Variants in IQCK observed in about 807,000 individuals in gnomAD.
The protein encoded by IQCK is IQ domain-containing protein K.
A neutral mutation model predicts 28.1 loss-of-function variants in IQCK; 29 were observed. That is an observed-to-expected ratio of 1.03 (90% CI 0.77 to 1.41). IQCK has a LOEUF of 1.41. IQCK is among the 40% of genes most tolerant of loss of function. The pLI, the probability that IQCK is intolerant of heterozygous loss-of-function variation, is 0.00. For missense variants in IQCK, 359 were observed against 314.7 expected, an observed-to-expected ratio of 1.14 and a Z score of -1.07; for synonymous variants, 113 against 115.1, an observed-to-expected ratio of 0.98 and a Z score of 0.12.
intron 4 of IQCK, among the ~76,000 whole-genome samples, chr16:19,754,120 C>T (rs1193830154): frequency 1.3e-5 from 2 of 152,014 alleles, no homozygotes; most frequent in Non-Finnish European, 2.9e-5. Flanking sequence ...GGAGCTGAGA[C>T]GGAGTTAACC....
chr16:19,849,896 G>A (rs752975702), intron 9 of IQCK, among the ~76,000 whole-genome samples: 8 of 152,278 alleles, frequency 5.3e-5, no homozygotes, highest in African/African-American at 1.2e-4. Flanking sequence ...CCATGCCCTC[G>A]TGCCATCCTT....
chr16:19,746,839 C>G (rs1016182695), intron 4 of IQCK, among the ~76,000 whole-genome samples: 2 of 152,212 alleles, frequency 1.3e-5, no homozygotes, highest in African/African-American at 4.8e-5. Flanking sequence ...TGGCTTTATG[C>G]CAGATGGCTG....
Position 19,843,995 on chromosome 16 carries a change from C to T in IQCK, c.803-12492C>T, listed in dbSNP as rs189538120. On this transcript the variant is annotated intron_variant, in intron 9 of 9. Transcript: ENST00000320394. ...ACTTATCCATTAATCAATTGATGGG[C>T]ATTTGAATTGTTTCCACTTTTTGGC... Among the ~76,000 whole-genome samples the T allele has an allele frequency of 1.1e-3, 164 of 152,066 alleles. 2 individuals are homozygous for T. The highest frequency in any genetic ancestry group is 3.9e-3 in the African/African-American group (162 of 41,454).
At chr16:19,747,722 T>G (rs1158375739) in intron 4 of IQCK, among the ~76,000 whole-genome samples, 2 of 152,180 alleles carry the variant, frequency 1.3e-5, no homozygotes, top group Non-Finnish European at 2.9e-5. Flanking sequence ...CACCCACTTA[T>G]GAGTAAGAAC....
At chr16:19,835,703 G>GC (rs2141103967) in intron 9 of IQCK, among the ~76,000 whole-genome samples, 1 of 151,678 alleles carries the variant, frequency 6.6e-6, no homozygotes, top group African/African-American at 2.4e-5. Context: ...TCCTGCCTCA[G>GC]CCTCTTGAGT....
rs369289581 is a variant in IQCK, at chr16:19,804,431, G to GT, written c.690+15517dup. Reference sequence around the variant, plus strand: ...GTTGTGTGTATGTGTGTGTGTGGTGGTTTTTTTTGTTGTTGTTGTATTTTG... The same window carrying GT: ...GTTGTGTGTATGTGTGTGTGTGGTGGTTTTTTTTTGTTGTTGTTGTATTTTG... On this transcript the variant is annotated intron_variant, in intron 7 of 7. Coordinates refer to ENST00000564186, the Ensembl canonical transcript of IQCK. Among the ~76,000 whole-genome samples, 746 of 151,632 alleles carry GT rather than the reference G, an allele frequency of 4.9e-3. 5 individuals are homozygous for GT. The highest frequency in any genetic ancestry group is 0.018 in the African/African-American group (729 of 41,324).
In IQCK at chr16:19,771,168, T is replaced by C. The variant is rs984328098; in HGVS notation, c.605+7056T>C. ...CTGCAGTGGCACAATCACAGCTCAC[T>C]GCAGCCTTGACTTCCTGGACTCAAG... On this transcript the variant is annotated intron_variant, in intron 6 of 7. Transcript: ENST00000564186. Among the ~76,000 whole-genome samples the C allele has an allele frequency of 5.9e-5, 9 of 152,316 alleles. No homozygotes were observed. The East Asian group carries it at 1.7e-3, about 29-fold the overall frequency.
At chr16:19,725,377 T>G (rs1017830929) in intron 1 of IQCK, among the ~76,000 whole-genome samples, 4 of 152,016 alleles carry the variant, frequency 2.6e-5, no homozygotes, top group African/African-American at 4.8e-5. Flanking sequence ...TTATATTTGT[T>G]GTAGAGACAG....
intron 6 of IQCK, among the ~76,000 whole-genome samples, chr16:19,765,621 AC>A (rs1224212915): frequency 1.3e-5 from 2 of 152,056 alleles, no homozygotes; most frequent in Non-Finnish European, 2.9e-5. Context: ...AGATGAATAG[AC>A]CCTTGGCTGA....
At chr16:19,852,030 G>A (rs534426556) in intron 9 of IQCK, among the ~76,000 whole-genome samples, 24 of 152,230 alleles carry the variant, frequency 1.6e-4, no homozygotes, top group African/African-American at 4.8e-4. Flanking sequence ...GCTGCTCCTC[G>A]GGGTGTTACT....
chr16:19,845,742 C>T (rs2056409199), intron 9 of IQCK, among the ~76,000 whole-genome samples: 1 of 152,176 alleles, frequency 6.6e-6, no homozygotes, highest in Admixed American at 6.5e-5. Context: ...ATTATATTTT[C>T]CAGTTTTTCT....
At chr16:19,770,738 T>C (rs760023859) in intron 6 of IQCK, among the ~76,000 whole-genome samples, 1 of 152,178 alleles carries the variant, frequency 6.6e-6, no homozygotes, top group East Asian at 1.9e-4. Flanking sequence ...TTCTTCTGCC[T>C]AACCCTCCCA....
downstream of IQCK, among the ~76,000 whole-genome samples, chr16:19,828,893 AT>A (rs1001190061): frequency 7.1e-6 from 1 of 140,294 alleles, no homozygotes; most frequent in African/African-American, 2.7e-5. Flanking sequence ...TAAAATATAT[AT>A]TATATATATT....
chr16:19,833,127 GCT>G (rs774122078), intron 9 of IQCK, among the ~76,000 whole-genome samples: 1 of 152,096 alleles, frequency 6.6e-6, no homozygotes, highest in African/African-American at 2.4e-5. Context: ...CTTAAAATCT[GCT>G]CTCTTACCAA....
chr16:19,737,460 C>T (rs1456964753), intron 4 of IQCK, among the ~76,000 whole-genome samples: 3 of 152,188 alleles, frequency 2.0e-5, no homozygotes, highest in Admixed American at 2.0e-4. Context: ...CCCTAATTGC[C>T]TGCCACTTAA....
At chr16:19,820,556 C>T (rs757462542) in intron 7 of IQCK, among the ~76,000 whole-genome samples, 36 of 150,166 alleles carry the variant, frequency 2.4e-4, no homozygotes, top group Non-Finnish European at 4.4e-4. Flanking sequence ...GGCTGAGGCA[C>T]GAGAATCACT....
At chr16:19,838,669 C>G (rs896397451) in intron 9 of IQCK, among the ~76,000 whole-genome samples, 1 of 152,152 alleles carries the variant, frequency 6.6e-6, no homozygotes, top group Non-Finnish European at 1.5e-5. Flanking sequence ...CAACTACACG[C>G]CAGGCACTTT....
At chr16:19,770,510 C>G (rs2055305991) in intron 6 of IQCK, among the ~76,000 whole-genome samples, 1 of 151,602 alleles carries the variant, frequency 6.6e-6, no homozygotes, top group South Asian at 2.1e-4. Context: ...CCTTTTCAAG[C>G]TTTGAGAAAC....
At chr16:19,724,412 C>T (rs1262297545) in intron 1 of IQCK, among the ~76,000 whole-genome samples, 1 of 152,212 alleles carries the variant, frequency 6.6e-6, no homozygotes, top group African/African-American at 2.4e-5. Flanking sequence ...TACAACCTCC[C>T]ACTATAGTAT....
Sources: allele counts gnomAD v4.1 joint callset (sites outside exome capture counted in the v4.1 genomes callset), GRCh38; gene constraint gnomAD v4.1.1; transcripts MANE v1.5; gene names NCBI Gene and HGNC (gene_info 2026-07-23, HGNC 2026-07-21).